The following SATB2 variants were observed in gnomAD, a reference collection of about 807,000 sequenced individuals.
SATB2 encodes the protein DNA-binding protein SATB2.
In SATB2, 1 loss-of-function variant was observed where a neutral mutation model predicts 73.4. That is an observed-to-expected ratio of 0.01 (90% confidence interval 0.00 to 0.06). SATB2 has a LOEUF of 0.06. SATB2 is among the 10% of genes least tolerant of loss of function. The probability of loss-of-function intolerance (pLI) is 1.00; values close to 1 mark genes in which losing one functional copy is unlikely to be tolerated. For synonymous variants in SATB2, 397 were observed against 367.0 expected, an observed-to-expected ratio of 1.08 and a Z score of -0.93; for missense variants, 459 against 945.8, an observed-to-expected ratio of 0.49 and a Z score of 6.75.
chr2:199,335,233 C>T (rs1174644902), intron 7 of SATB2, among the ~76,000 whole-genome samples: 2 of 152,126 alleles, frequency 1.3e-5, no homozygotes, highest in African/African-American at 4.8e-5. Context: ...TTAGGAAAGA[C>T]AGCCTATGCA....
intron 6 of SATB2, among the ~76,000 whole-genome samples, chr2:199,354,917 G>A (rs1173449869): frequency 1.3e-5 from 2 of 152,010 alleles, no homozygotes; most frequent in African/African-American, 4.8e-5. Flanking sequence ...AGCACTCTAT[G>A]ACCATTAGCT....
intron 10 of SATB2, among the ~76,000 whole-genome samples, chr2:199,296,078 C>G (rs556089391): frequency 6.6e-6 from 1 of 152,118 alleles, no homozygotes. Context: ...GGTTTGGTTA[C>G]GACAGTTTAA....
chr2:199,336,555 A>C (rs1688343060), intron 7 of SATB2, among the ~76,000 whole-genome samples: 1 of 152,326 alleles, frequency 6.6e-6, no homozygotes. Flanking sequence ...CAGTCTATTA[A>C]CACTTGAGCT....
intron 10 of SATB2, among the ~76,000 whole-genome samples, chr2:199,298,150 G>A (rs1361449424): frequency 6.6e-6 from 1 of 152,038 alleles, no homozygotes; most frequent in Non-Finnish European, 1.5e-5. Flanking sequence ...TACTAATAAC[G>A]CTCAGAAGCT....
intron 2 of SATB2, among the ~76,000 whole-genome samples, chr2:199,450,352 T>C (rs993615724): frequency 2.0e-5 from 3 of 152,172 alleles, no homozygotes; most frequent in African/African-American, 7.2e-5. Flanking sequence ...TCTTTAAATA[T>C]GTTCCAAAAT....
rs1559065456 is a variant in SATB2, at chr2:199,455,077, A to G, written c.169+792T>C. Among the ~76,000 whole-genome samples, 1 of 152,206 alleles carries G rather than the reference A, an allele frequency of 6.6e-6. No individual in the cohort carries two copies. Among genetic ancestry groups the G allele is most frequent in the Non-Finnish European group, 1.5e-5 (1 of 68,030 alleles). On this transcript the variant is annotated intron_variant, in intron 2 of 10. Transcript: ENST00000417098. The surrounding 1 kb of genome is among the most constrained non-coding windows in gnomAD (Gnocchi z 4.1). Reference sequence around the variant, plus strand: ...TGGCATACAAACTCCAAAATATTTCAATGTTTAAATTTCTCCCATATCTTT... The same window carrying G: ...TGGCATACAAACTCCAAAATATTTCGATGTTTAAATTTCTCCCATATCTTT...
At chr2:199,468,269 GA>G (rs1485676900), upstream of SATB2, 4 of 152,086 alleles carry the variant, frequency 2.6e-5, no homozygotes, top group Admixed American at 2.6e-4. Context: ...CCGGTAGGAG[GA>G]CTGGGGTGGG....
At chr2:199,470,328 C>A (rs983983343) in intron 1 of SATB2, 14 of 152,232 alleles carry the variant, frequency 9.2e-5, no homozygotes, top group African/African-American at 2.9e-4. Context: ...TCTTTACCCC[C>A]GACTCCCTGG....
chr2:199,459,839 C>G (rs1559069400), upstream of SATB2: 1 of 2,168 alleles, frequency 4.6e-4, no homozygotes, highest in Non-Finnish European at 3.0e-3. The surrounding 1 kb of genome is among the most constrained non-coding windows in gnomAD (Gnocchi z 4.2). Flanking sequence ...GACAAGGCTG[C>G]CTTCCACTCG....
intron 2 of SATB2, among the ~76,000 whole-genome samples, chr2:199,444,572 C>T (rs1250164471): frequency 3.3e-5 from 5 of 152,082 alleles, no homozygotes; most frequent in African/African-American, 1.2e-4. Context: ...TGTCCCCCTC[C>T]CCCTAGAAAG....
chr2:199,360,919 T>G (rs1689118387), intron 6 of SATB2, among the ~76,000 whole-genome samples: 2 of 151,952 alleles, frequency 1.3e-5, no homozygotes, highest in Non-Finnish European at 2.9e-5. Flanking sequence ...CCCCTGCCCC[T>G]CCACTGCACC....
chr2:199,402,120 C>T (rs1323176118), intron 3 of SATB2, among the ~76,000 whole-genome samples: 1 of 152,134 alleles, frequency 6.6e-6, no homozygotes, highest in Non-Finnish European at 1.5e-5. Flanking sequence ...GGCACGGTGG[C>T]TCACACCCGT....
At chr2:199,443,869 T>C (rs1357500143) in intron 2 of SATB2, among the ~76,000 whole-genome samples, 1 of 152,170 alleles carries the variant, frequency 6.6e-6, no homozygotes, top group Non-Finnish European at 1.5e-5. Context: ...AAAATCATAG[T>C]GTGTATTCTC....
chr2:199,329,192 T>C (rs1688118785), intron 7 of SATB2: 3 of 442,276 alleles, frequency 6.8e-6, no homozygotes, highest in African/African-American at 2.0e-5. Context: ...TTGGGAAGAA[T>C]TGTGAAACTG....
rs1689729348 is a variant in SATB2, at chr2:199,380,235, A to G, written c.597+129T>C. The G allele has an allele frequency of 5.9e-6, 7 of 1,187,584 alleles. No individual in the cohort carries two copies. In the East Asian group the frequency reaches 1.4e-4, roughly 24 times the overall value. The allele number at this position is 1,187,584 out of a possible 1,614,324, so 73.6% of individuals were successfully genotyped here. The stretch of plus-strand genomic sequence containing the variant: ...AACCAGAAGCAACATAATCTTTTAC[A>G]CCTCAAATGCAGTTTAAGTCTATAA... On this transcript the variant is annotated intron_variant, in intron 5 of 10. Coordinates refer to ENST00000417098, the MANE Select transcript of SATB2 (RefSeq NM_001172509.2).
At chr2:199,344,741 T>C (rs2105817349) in intron 7 of SATB2, among the ~76,000 whole-genome samples, 1 of 152,312 alleles carries the variant, frequency 6.6e-6, no homozygotes, top group Admixed American at 6.5e-5. Context: ...CCAAATCCTG[T>C]GATCTCAAAT....
intron 6 of SATB2, among the ~76,000 whole-genome samples, chr2:199,351,573 T>C (rs938636450): frequency 6.6e-6 from 1 of 152,214 alleles, no homozygotes; most frequent in Non-Finnish European, 1.5e-5. Flanking sequence ...TTAAAGTACA[T>C]AGTCTTAAAA....
intron 3 of SATB2, among the ~76,000 whole-genome samples, chr2:199,429,984 G>C (rs1225024917): frequency 6.6e-6 from 1 of 152,170 alleles, no homozygotes; most frequent in Non-Finnish European, 1.5e-5. Context: ...AAGTAGGGGA[G>C]AGATAAAATG....
At chr2:199,394,608 C>A (rs951388947) in intron 3 of SATB2, among the ~76,000 whole-genome samples, 1 of 151,954 alleles carries the variant, frequency 6.6e-6, no homozygotes, top group Non-Finnish European at 1.5e-5. Flanking sequence ...GGCTGGACAA[C>A]ATAAAGAGAA....
Sources: gnomAD v4.1 joint callset for allele counts (sites outside exome capture counted in the v4.1 genomes callset) on GRCh38, gnomAD v4.1.1 for gene constraint, Gnocchi (gnomAD v3.1) non-coding constraint, MANE v1.5 for transcripts, NCBI Gene and HGNC (gene_info 2026-07-23, HGNC 2026-07-21) for gene names.